USP47: variants seen among roughly 807,000 people sequenced by gnomAD.
USP47 encodes ubiquitin specific peptidase 47, also known as ubiquitin carboxyl-terminal hydrolase 47.
A neutral mutation model predicts 165.1 loss-of-function variants in USP47; 35 were observed. That is an observed-to-expected ratio of 0.21 (90% CI 0.16 to 0.28). The LOEUF (loss-of-function observed/expected upper bound fraction) is 0.28, where lower values mean the gene tolerates loss of function less well. Ranked by LOEUF, USP47 falls within the 10% of genes least tolerant of loss-of-function variation. The pLI, the probability that USP47 is intolerant of heterozygous loss-of-function variation, is 1.00. For synonymous variants in USP47, 531 were observed against 544.5 expected (o/e 0.98, Z 0.35); for missense variants, 1,277 against 1,607.4 (o/e 0.79, Z 3.52).
intron 13 of USP47, 98 bp from the exon 14 acceptor site, chr11:11,930,597 TG>T: frequency 2.2e-6 from 2 of 915,446 alleles, no homozygotes; most frequent in South Asian, 1.6e-5. Flanking sequence ...ATTTTCTAAT[TG>T]TTTTTTAAAA....
At chr11:11,920,526 T>G in intron 10 of USP47, 32 bp downstream of exon 10, 1 of 1,568,066 alleles carries the variant, frequency 6.4e-7, no homozygotes, top group Non-Finnish European at 8.6e-7. Context: ...GTATTTTTCA[T>G]TAATCCACAT....
intron 11 of USP47, among the ~76,000 whole-genome samples, chr11:11,924,373 T>C (rs980288713): frequency 2.6e-5 from 4 of 152,196 alleles, no homozygotes; most frequent in African/African-American, 9.6e-5. Flanking sequence ...TTTGCTAATA[T>C]TTTGCAGAGG....
At position 11,933,807 on chromosome 11, in the gene USP47, A is replaced by G. The variant is rs1854854673; in HGVS notation, c.1765-24A>G. 4.6e-6 allele frequency: 7 copies of G among 1,510,550 alleles called. No individual in the cohort carries two copies. The African/African-American group carries it at 6.2e-5, about 13-fold the overall frequency. The allele number at this position is 1,510,550 out of a possible 1,614,324, so 93.6% of individuals were successfully genotyped here. Reference sequence around the variant, plus strand: ...ATTGAACTTTGGAACTGCAGAGTTGATGATGATATTTTACATTTTCTAGAT... The same window carrying G: ...ATTGAACTTTGGAACTGCAGAGTTGGTGATGATATTTTACATTTTCTAGAT... On this transcript the variant is annotated intron_variant, in intron 15 of 27. Transcript: ENST00000527733.
intron 1 of USP47, among the ~76,000 whole-genome samples, chr11:11,853,453 G>A (rs1057407868): frequency 6.6e-6 from 1 of 152,114 alleles, no homozygotes; most frequent in Non-Finnish European, 1.5e-5. Context: ...GGCAGTGATG[G>A]CAGATGACTG....
At chr11:11,847,925 A>T (rs1848516154) in intron 1 of USP47, among the ~76,000 whole-genome samples, 2 of 152,346 alleles carry the variant, frequency 1.3e-5, no homozygotes, top group South Asian at 2.1e-4. Flanking sequence ...CAGTTCACTT[A>T]CATTATCTCA....
intron 25 of USP47, among the ~76,000 whole-genome samples, chr11:11,954,459 C>T (rs1564897538): frequency 6.6e-6 from 1 of 151,824 alleles, no homozygotes; most frequent in Admixed American, 6.6e-5. Flanking sequence ...TTAGTTGAGA[C>T]GGGGTTTCAC....
intron 11 of USP47, among the ~76,000 whole-genome samples, 180 bp from the exon 12 acceptor site, chr11:11,929,254 C>G (rs1184964706): frequency 6.6e-6 from 1 of 151,998 alleles, no homozygotes; most frequent in African/African-American, 2.4e-5. Flanking sequence ...TGTGTAACTT[C>G]TGGTATATAC....
At chr11:11,921,270 CT>C (rs1310715759) in intron 10 of USP47, among the ~76,000 whole-genome samples, 1 of 150,560 alleles carries the variant, frequency 6.6e-6, no homozygotes, top group Non-Finnish European at 1.5e-5. Context: ...TTTACTGGAA[CT>C]GATTACTATA....
intron 27 of USP47, among the ~76,000 whole-genome samples, chr11:11,955,380 G>A (rs1247011550): frequency 6.6e-6 from 1 of 152,116 alleles, no homozygotes; most frequent in Non-Finnish European, 1.5e-5. Context: ...TAAAAATATT[G>A]TAAACCCAAT....
At chr11:11,914,158 A>G (rs188597585) in intron 8 of USP47, among the ~76,000 whole-genome samples, 2 of 152,238 alleles carry the variant, frequency 1.3e-5, no homozygotes, top group Non-Finnish European at 1.5e-5. Flanking sequence ...AAAAAGACTT[A>G]TTATATGGCT....
intron 8 of USP47, among the ~76,000 whole-genome samples, chr11:11,917,136 C>CA (rs911030365): frequency 2.0e-5 from 3 of 152,096 alleles, no homozygotes; most frequent in African/African-American, 7.2e-5. Context: ...GATGACAGAG[C>CA]AAGACCTCAT....
chr11:11,911,576 T>C (rs770185202), intron 8 of USP47, among the ~76,000 whole-genome samples: 1 of 151,706 alleles, frequency 6.6e-6, no homozygotes, highest in Non-Finnish European at 1.5e-5. Flanking sequence ...TAAATGTGTA[T>C]GCAGAAAATA....
intron 19 of USP47, 89 bp from the exon 20 acceptor site, chr11:11,942,246 A>G (rs1855526125): frequency 1.5e-6 from 2 of 1,333,932 alleles, no homozygotes; most frequent in Admixed American, 2.3e-5. Context: ...ATAACTGTGT[A>G]TTGTGTTGTA....
chr11:11,879,704 T>C (rs1163321268), intron 1 of USP47, among the ~76,000 whole-genome samples: 1 of 152,100 alleles, frequency 6.6e-6, no homozygotes, highest in African/African-American at 2.4e-5. Flanking sequence ...CTGTATCCCT[T>C]AGTTATAGAT....
rs1372214437 is a variant in USP47 at position 11,920,371 on chromosome 11, G to C, written c.1095G>C (p.Leu365=). 2 of 1,608,978 alleles carry C rather than the reference G, an allele frequency of 1.2e-6. No individual in the cohort carries two copies. Among genetic ancestry groups the C allele is most frequent in the Non-Finnish European group, 1.7e-6 (2 of 1,177,540 alleles). Reference sequence around the variant, plus strand: ...TTCGGTTTTTGCATTTTCCTTATCTGCTGACCTTACAGCTGAAAAGATTCG... The same window carrying C: ...TTCGGTTTTTGCATTTTCCTTATCTCCTGACCTTACAGCTGAAAAGATTCG... ...KGLRFLHFPY[L]LTLQLKRFDF... Residue 365 remains leucine, a synonymous_variant, in exon 10 of 28, where the codon CTG becomes CTC. Coordinates refer to ENST00000527733, the MANE Select transcript of USP47 (RefSeq NM_001282659.2).
At chr11:11,926,695 G>A (rs1208479049) in intron 11 of USP47, among the ~76,000 whole-genome samples, 1 of 150,732 alleles carries the variant, frequency 6.6e-6, no homozygotes, top group Non-Finnish European at 1.5e-5. Flanking sequence ...TGCTAACTCT[G>A]AATCTAGTTT....
chr11:11,891,314 G>T (rs1851498567), intron 3 of USP47, among the ~76,000 whole-genome samples: 1 of 152,158 alleles, frequency 6.6e-6, no homozygotes, highest in South Asian at 2.1e-4. Context: ...TCATTTAGAA[G>T]TTTATTGTGA....
At chr11:11,943,733 TTAAAA>T (rs1329244809) in intron 20 of USP47, 1 of 152,038 alleles carries the variant, frequency 6.6e-6, no homozygotes, top group Non-Finnish European at 1.5e-5. Context: ...AGTATGAGAC[TTAAAA>T]TAAAAGAACC....
chr11:11,859,218 A>G (rs1395737252), intron 1 of USP47, among the ~76,000 whole-genome samples: 1 of 152,182 alleles, frequency 6.6e-6, no homozygotes, highest in East Asian at 1.9e-4. Flanking sequence ...CTAGGTACTG[A>G]TAGAAGGGAG....
Sources: gnomAD v4.1 joint callset for allele counts (sites outside exome capture counted in the v4.1 genomes callset) on GRCh38, gnomAD v4.1.1 for gene constraint, MANE v1.5 for transcripts, NCBI Gene and HGNC (gene_info 2026-07-23, HGNC 2026-07-21) for gene names.